The following METAP1 variants were observed in gnomAD, a reference collection of about 807,000 sequenced individuals.
METAP1 encodes the protein methionine aminopeptidase 1.
In METAP1, 28 loss-of-function variants were observed where a neutral mutation model predicts 53.8. The ratio of observed to expected loss-of-function variants is 0.52; its 90% confidence interval spans 0.39 to 0.71. METAP1 has a LOEUF of 0.71. Among genes scored for constraint, METAP1 ranks in the 30% least tolerant of loss-of-function variants. The pLI is 0.00. For missense variants in METAP1, 389 were observed against 479.8 expected, an observed-to-expected ratio of 0.81 and a Z score of 1.77; for synonymous variants, 181 against 165.7, an observed-to-expected ratio of 1.09 and a Z score of -0.71.
intron 1 of METAP1, chr4:99,005,837 G>T (rs770200947): frequency 9.6e-6 from 4 of 416,762 alleles, no homozygotes; most frequent in South Asian, 7.1e-5. Flanking sequence ...CAAGTACCAG[G>T]TCGTCTCGCT....
intron 4 of METAP1, among the ~76,000 whole-genome samples, chr4:99,035,727 A>G (rs75145344): frequency 0.022 from 3,335 of 152,130 alleles, 46 homozygotes; most frequent in Non-Finnish European, 0.035. Flanking sequence ...TAGACTTACT[A>G]AAAAACAGTT....
chr4:99,034,308 G>T lies in METAP1; in HGVS notation c.245G>T (p.Arg82Leu), dbSNP rs1017234810. Reference protein sequence around the residue: ...DINTDPWAGYRYTGKLRPHYP... With the variant: ...DINTDPWAGYLYTGKLRPHYP... ...AATACTGACCCATGGGCAGGTTATC[G>T]ATATACTGGTAAACTCAGACCACAT... The change falls in exon 3 of 11, where the codon CGA (arginine) becomes CTA (leucine). Residue 82 changes from arginine to leucine, a missense_variant. Arg to Leu is a moderately radical substitution (Grantham distance 102). Transcript: ENST00000296411. 4.5e-6 allele frequency: 7 copies of T among 1,547,034 alleles called. No individual in the cohort carries two copies. Among genetic ancestry groups the T allele is most frequent in the Admixed American group, 2.0e-5 (1 of 50,974 alleles).
intron 9 of METAP1, among the ~76,000 whole-genome samples, chr4:99,049,223 G>A (rs897913456): frequency 1.3e-5 from 2 of 152,126 alleles, no homozygotes; most frequent in African/African-American, 4.8e-5. Context: ...ATACCTGGGA[G>A]TTTTTAACAG....
chr4:99,050,740 C>T (rs988805520), intron 9 of METAP1, among the ~76,000 whole-genome samples: 11 of 152,068 alleles, frequency 7.2e-5, no homozygotes, highest in East Asian at 3.9e-4. Context: ...ATCTAGGTTG[C>T]GCACTCCGTA....
chr4:99,042,711 A>AT (rs1225503037), intron 6 of METAP1, among the ~76,000 whole-genome samples: 1 of 152,108 alleles, frequency 6.6e-6, no homozygotes, highest in African/African-American at 2.4e-5. Flanking sequence ...AACATTTTTC[A>AT]TAAGGACTAG....
intron 10 of METAP1, 42 bp downstream of exon 10, chr4:99,057,860 T>G: frequency 6.6e-7 from 1 of 1,512,094 alleles, no homozygotes; most frequent in South Asian, 1.2e-5. Flanking sequence ...ATTGAATTTA[T>G]ATGTATTTTA....
intron 5 of METAP1, among the ~76,000 whole-genome samples, chr4:99,040,737 T>C (rs1385962651): frequency 2.0e-5 from 3 of 151,460 alleles, no homozygotes; most frequent in Non-Finnish European, 4.4e-5. Flanking sequence ...TTCCTCTACT[T>C]TTCCCCATTA....
At chr4:99,021,859 A>G (rs544164963) in intron 1 of METAP1, among the ~76,000 whole-genome samples, 6 of 152,334 alleles carry the variant, frequency 3.9e-5, no homozygotes, top group East Asian at 3.9e-4. Flanking sequence ...CATGTATCCT[A>G]ATCTGGGACT....
intron 1 of METAP1, chr4:99,026,899 C>T: frequency 2.1e-6 from 2 of 959,794 alleles, no homozygotes; most frequent in Non-Finnish European, 2.5e-6. Flanking sequence ...ATTTTGGTTA[C>T]TTTATGCTCA....
At chr4:99,025,749 C>A (rs1027937998) in intron 1 of METAP1, among the ~76,000 whole-genome samples, 15 of 152,138 alleles carry the variant, frequency 9.9e-5, no homozygotes, top group Non-Finnish European at 1.9e-4. Flanking sequence ...CTCATTATAC[C>A]CTTCCAGCAT....
intron 1 of METAP1, among the ~76,000 whole-genome samples, chr4:99,020,499 G>A (rs953458614): frequency 6.6e-6 from 1 of 152,148 alleles, no homozygotes; most frequent in Non-Finnish European, 1.5e-5. Flanking sequence ...AGGAGGAGGA[G>A]GCGGGACTAC....
At chr4:99,042,397 A>C (rs1725938204) in intron 6 of METAP1, among the ~76,000 whole-genome samples, 2 of 152,110 alleles carry the variant, frequency 1.3e-5, no homozygotes, top group Non-Finnish European at 2.9e-5. Context: ...AACCATTAAA[A>C]AATATTAGCC....
intron 1 of METAP1, among the ~76,000 whole-genome samples, chr4:99,002,412 AC>A (rs1722965616): frequency 6.6e-6 from 1 of 152,226 alleles, no homozygotes; most frequent in Non-Finnish European, 1.5e-5. Context: ...ACTTCGCCTG[AC>A]CTCACAGTTT....
chr4:99,024,581 T>C (rs1724419607), intron 1 of METAP1, among the ~76,000 whole-genome samples: 1 of 152,192 alleles, frequency 6.6e-6, no homozygotes, highest in Non-Finnish European at 1.5e-5. Flanking sequence ...CTGATCTGGG[T>C]GATGGCAGCT....
At chr4:99,026,440 C>A (rs560689682) in intron 1 of METAP1, 462 of 985,288 alleles carry the variant, frequency 4.7e-4, no homozygotes, top group Admixed American at 7.4e-4. Flanking sequence ...TTTGAAACGA[C>A]CTAATGGAAT....
intron 1 of METAP1, among the ~76,000 whole-genome samples, chr4:98,997,076 C>T (rs966735531): frequency 2.6e-4 from 39 of 152,210 alleles, no homozygotes; most frequent in African/African-American, 9.4e-4. Flanking sequence ...ATGTAAAGTC[C>T]TTTATTTTTT....
intron 8 of METAP1, among the ~76,000 whole-genome samples, chr4:99,047,338 T>C (rs2110393300): frequency 6.6e-6 from 1 of 152,254 alleles, no homozygotes; most frequent in East Asian, 1.9e-4. Flanking sequence ...CAACCAGAAA[T>C]ATTAATATCT....
intron 1 of METAP1, among the ~76,000 whole-genome samples, chr4:99,017,338 CCTGA>C (rs1723824376): frequency 1.3e-5 from 2 of 152,214 alleles, no homozygotes; most frequent in Admixed American, 6.5e-5. Context: ...TATTTAAGGG[CCTGA>C]CTGAGAGCAA....
chr4:99,005,487 G>C (rs1337907522), intron 1 of METAP1, among the ~76,000 whole-genome samples: 1 of 152,168 alleles, frequency 6.6e-6, no homozygotes, highest in Non-Finnish European at 1.5e-5. Flanking sequence ...AACAATAGAT[G>C]TTGGCATGGA....
Sources: gnomAD v4.1 joint callset for allele counts (sites outside exome capture counted in the v4.1 genomes callset) on GRCh38, gnomAD v4.1.1 for gene constraint, MANE v1.5 for transcripts, NCBI Gene and HGNC (gene_info 2026-07-23, HGNC 2026-07-21) for gene names.